Variants in ASTN2 observed in about 807,000 individuals in gnomAD.
ASTN2 encodes astrotactin 2, also known as astrotactin-2.
ASTN2 carries 54 observed loss-of-function variants against 139.8 expected under a neutral mutation model. That is an observed-to-expected ratio of 0.39 (90% CI 0.31 to 0.48). The LOEUF (loss-of-function observed/expected upper bound fraction) is 0.48, where lower values mean the gene tolerates loss of function less well. ASTN2 is among the 20% of genes least tolerant of loss of function. The pLI is 0.95. For synonymous variants in ASTN2, 756 were observed against 719.5 expected, an observed-to-expected ratio of 1.05 and a Z score of -0.81; for missense variants, 1,565 against 1,725.1, an observed-to-expected ratio of 0.91 and a Z score of 1.64.
intron 10 of ASTN2, among the ~76,000 whole-genome samples, chr9:116,884,882 C>G (rs1262093677): frequency 7.0e-6 from 1 of 143,456 alleles, no homozygotes; most frequent in East Asian, 2.1e-4. Flanking sequence ...GTGGCGCTAT[C>G]TTGGCTCACT....
chr9:116,850,342 G>A (rs1832564843), intron 11 of ASTN2, among the ~76,000 whole-genome samples: 1 of 152,208 alleles, frequency 6.6e-6, no homozygotes, highest in South Asian at 2.1e-4. Flanking sequence ...TTGAGATGCT[G>A]TTGTACATAT....
intron 19 of ASTN2, among the ~76,000 whole-genome samples, chr9:116,535,214 G>A (rs1025286370): frequency 1.3e-5 from 2 of 151,960 alleles, no homozygotes; most frequent in African/African-American, 4.8e-5. Flanking sequence ...CTTTTGCTTG[G>A]TAGATCTTCC....
At chr9:116,806,914 T>C (rs1175741617) in intron 12 of ASTN2, among the ~76,000 whole-genome samples, 2 of 152,044 alleles carry the variant, frequency 1.3e-5, no homozygotes, top group African/African-American at 2.4e-5. Flanking sequence ...TATCTAACCA[T>C]GAAGAAAGAA....
rs189461986 is a variant in ASTN2 at position 117,286,913 on chromosome 9, T to A, written c.630+4413A>T. Among the ~76,000 whole-genome samples, 1,298 of 152,346 alleles carry A rather than the reference T, an allele frequency of 8.5e-3. 8 individuals are homozygous for A. The highest frequency in any genetic ancestry group is 0.014 in the Non-Finnish European group (983 of 68,034). ...TCAGGCACTGTGCCATGCAGAACTG[T>A]GCCCAAGCACACAGACTCTCAGTTT... On this transcript the variant is annotated intron_variant, in intron 2 of 22. Coordinates refer to ENST00000313400, the MANE Select transcript of ASTN2 (RefSeq NM_001365068.1).
intron 1 of ASTN2, among the ~76,000 whole-genome samples, chr9:117,358,714 G>A (rs1392773437): frequency 6.6e-6 from 1 of 152,120 alleles, no homozygotes; most frequent in African/African-American, 2.4e-5. Context: ...AACGAAGAAA[G>A]TTCATGGGCT....
At chr9:116,481,859 T>C (rs768002011) in intron 20 of ASTN2, among the ~76,000 whole-genome samples, 19 of 152,124 alleles carry the variant, frequency 1.2e-4, no homozygotes, top group Non-Finnish European at 2.6e-4. Context: ...CACTCATACC[T>C]CACCAGGTGC....
chr9:117,296,394 C>G lies in ASTN2; in HGVS notation c.443-4881G>C, dbSNP rs1421421013. ...ATACTGTGTACATTTTATTCAGAAC[C>G]AGTAGAGTACACTTGGTCAGAAAAC... is the stretch of plus-strand genomic sequence containing the variant. On this transcript the variant is annotated intron_variant, in intron 1 of 22. Coordinates refer to ENST00000313400, the MANE Select transcript of ASTN2 (RefSeq NM_001365068.1). 4.0e-5 allele frequency among the ~76,000 whole-genome samples: 6 copies of G among 151,754 alleles called. 1 individual carries two copies. Among genetic ancestry groups the G allele is most frequent in the African/African-American group, 1.5e-4 (6 of 41,258 alleles).
chr9:117,311,477 A>T (rs755365712), intron 1 of ASTN2, among the ~76,000 whole-genome samples: 6 of 152,056 alleles, frequency 3.9e-5, no homozygotes, highest in Non-Finnish European at 7.4e-5. Flanking sequence ...CCTTCACACC[A>T]AGTGAGAAGG....
At chr9:116,507,010 T>C (rs931067890) in intron 19 of ASTN2, among the ~76,000 whole-genome samples, 25 of 152,158 alleles carry the variant, frequency 1.6e-4, no homozygotes, top group South Asian at 4.1e-4. Context: ...GAAAAAGGCA[T>C]GTGTCACAGC....
At chr9:116,690,962 C>T (rs1204453080) in intron 16 of ASTN2, among the ~76,000 whole-genome samples, 3 of 152,170 alleles carry the variant, frequency 2.0e-5, no homozygotes, top group Non-Finnish European at 4.4e-5. Flanking sequence ...CTGTGTCACC[C>T]AGGCTGGAGT....
At chr9:117,283,459 T>G (rs4406487) in intron 2 of ASTN2, among the ~76,000 whole-genome samples, 144,877 of 152,110 alleles carry the variant, frequency 0.95, 69,326 homozygotes, top group East Asian at 1. Context: ...ATGGGGTATG[T>G]CCCACTTTTG....
chr9:117,310,335 T>G (rs771840759), intron 1 of ASTN2, among the ~76,000 whole-genome samples: 15 of 152,172 alleles, frequency 9.9e-5, no homozygotes, highest in Non-Finnish European at 2.1e-4. Context: ...TGCATCTATC[T>G]TCCTGCCTTC....
chr9:117,120,525 A>G (rs114524017), intron 4 of ASTN2, among the ~76,000 whole-genome samples: 3,363 of 152,252 alleles, frequency 0.022, 110 homozygotes, highest in African/African-American at 0.077. Context: ...TGACAGTGAT[A>G]GCAGAGACCC....
At chr9:116,673,453 T>C (rs1004750121) in intron 16 of ASTN2, among the ~76,000 whole-genome samples, 2 of 152,240 alleles carry the variant, frequency 1.3e-5, no homozygotes, top group Admixed American at 6.5e-5. Flanking sequence ...AGTGGAATTG[T>C]GTCCTCCCCC....
chr9:117,197,732 C>G (rs749641696), intron 3 of ASTN2, among the ~76,000 whole-genome samples: 1 of 152,148 alleles, frequency 6.6e-6, no homozygotes, highest in African/African-American at 2.4e-5. Flanking sequence ...ATAGAATGAA[C>G]AGGCAAGGGT....
intron 3 of ASTN2, among the ~76,000 whole-genome samples, chr9:117,148,465 C>T (rs1376906687): frequency 6.6e-6 from 1 of 152,112 alleles, no homozygotes; most frequent in Non-Finnish European, 1.5e-5. Context: ...CATAAAATAG[C>T]CACTTTGCAA....
chr9:117,304,290 A>G (rs899516458), intron 1 of ASTN2, among the ~76,000 whole-genome samples: 1 of 152,158 alleles, frequency 6.6e-6, no homozygotes, highest in Non-Finnish European at 1.5e-5. Context: ...ACCCCACCAC[A>G]AGATGGGGTT....
chr9:117,065,962 T>C (rs1587923974), intron 5 of ASTN2, among the ~76,000 whole-genome samples: 1 of 152,090 alleles, frequency 6.6e-6, no homozygotes, highest in African/African-American at 2.4e-5. Context: ...AATGAGATAA[T>C]GCATGTAATA....
intron 3 of ASTN2, among the ~76,000 whole-genome samples, chr9:117,201,317 A>G (rs772345803): frequency 1.1e-4 from 17 of 152,050 alleles, no homozygotes; most frequent in Non-Finnish European, 1.9e-4. Context: ...TTTTTCAAAA[A>G]ACCAGCCTCT....
Sources: gnomAD v4.1 joint callset for allele counts (sites outside exome capture counted in the v4.1 genomes callset) on GRCh38, gnomAD v4.1.1 for gene constraint, MANE v1.5 for transcripts, NCBI Gene and HGNC (gene_info 2026-07-23, HGNC 2026-07-21) for gene names.